Variants in CPQ observed in about 807,000 individuals in gnomAD.
The protein encoded by CPQ is carboxypeptidase Q, also known as Ser-Met dipeptidase.
In CPQ, 37 loss-of-function variants were observed where a neutral mutation model predicts 45.7. The ratio of observed to expected loss-of-function variants is 0.81; its 90% confidence interval spans 0.62 to 1.07. CPQ has a LOEUF of 1.07. Ranked by LOEUF, CPQ falls within the 50% of genes least tolerant of loss-of-function variation. The probability of loss-of-function intolerance (pLI) is 0.00; values close to 1 mark genes in which losing one functional copy is unlikely to be tolerated. For synonymous variants in CPQ, 186 were observed against 205.8 expected, an observed-to-expected ratio of 0.90 and a Z score of 0.82; for missense variants, 537 against 572.9, an observed-to-expected ratio of 0.94 and a Z score of 0.64.
intron 1 of CPQ, among the ~76,000 whole-genome samples, chr8:96,780,572 C>G (rs1810672421): frequency 1.3e-5 from 2 of 151,860 alleles, no homozygotes; most frequent in Non-Finnish European, 2.9e-5. Context: ...TTTATTTAAC[C>G]CAATTTATCT....
intron 6 of CPQ, 95 bp from the exon 7 acceptor site, chr8:97,065,914 G>A (rs781751358): frequency 2.5e-6 from 3 of 1,210,336 alleles, no homozygotes; most frequent in Non-Finnish European, 3.6e-6. Context: ...ACAGCCGTAA[G>A]GAGGTAAAGT....
chr8:96,903,788 T>C (rs1469997471), intron 4 of CPQ, among the ~76,000 whole-genome samples: 1 of 152,120 alleles, frequency 6.6e-6, no homozygotes, highest in Non-Finnish European at 1.5e-5. Flanking sequence ...TCTGCAAAGT[T>C]CCTTATCAAA....
chr8:96,778,338 C>T (rs2130803810), intron 1 of CPQ, among the ~76,000 whole-genome samples: 1 of 152,068 alleles, frequency 6.6e-6, no homozygotes, highest in East Asian at 1.9e-4. Flanking sequence ...TATCTAAAAA[C>T]AATAATAATA....
intron 1 of CPQ, among the ~76,000 whole-genome samples, chr8:96,662,052 C>T (rs900557255): frequency 2.0e-5 from 3 of 152,156 alleles, no homozygotes; most frequent in Admixed American, 1.3e-4. Context: ...AGTATCTTTT[C>T]ACATGTTTAT....
intron 4 of CPQ, among the ~76,000 whole-genome samples, chr8:96,928,164 T>A (rs1479728585): frequency 6.6e-6 from 1 of 152,122 alleles, no homozygotes; most frequent in African/African-American, 2.4e-5. Flanking sequence ...GCATTTTCTA[T>A]CGTAAGACAG....
intron 1 of CPQ, among the ~76,000 whole-genome samples, chr8:96,658,114 A>T (rs1815659127): frequency 6.6e-6 from 1 of 152,222 alleles, no homozygotes; most frequent in South Asian, 2.1e-4. Context: ...TTTTTGAGCT[A>T]AAGCTTAAAG....
At chr8:96,772,446 G>C (rs1810556175) in intron 1 of CPQ, among the ~76,000 whole-genome samples, 1 of 152,104 alleles carries the variant, frequency 6.6e-6, no homozygotes, top group African/African-American at 2.4e-5. Flanking sequence ...TGAGTTTGGG[G>C]TGTCTGTGGG....
chr8:96,852,235 G>A (rs1300906778), intron 3 of CPQ, among the ~76,000 whole-genome samples: 1 of 152,180 alleles, frequency 6.6e-6, no homozygotes, highest in African/African-American at 2.4e-5. Flanking sequence ...TGGAAAAAGT[G>A]CATTGGTCAT....
chr8:96,961,155 C>T (rs1399414306), intron 4 of CPQ, among the ~76,000 whole-genome samples: 1 of 152,182 alleles, frequency 6.6e-6, no homozygotes. Context: ...CAATTTTCTG[C>T]TTCTACCAGG....
chr8:96,947,688 T>A (rs964386918), intron 4 of CPQ, among the ~76,000 whole-genome samples: 1 of 152,150 alleles, frequency 6.6e-6, no homozygotes, highest in Non-Finnish European at 1.5e-5. Flanking sequence ...AAATGCATTT[T>A]AAAACTTTTT....
At chr8:96,942,048 CT>C (rs1813129548) in intron 4 of CPQ, among the ~76,000 whole-genome samples, 1 of 152,104 alleles carries the variant, frequency 6.6e-6, no homozygotes, top group African/African-American at 2.4e-5. Flanking sequence ...ATCCTTTCCT[CT>C]AGAGAAGATT....
chr8:97,095,690 A>G (rs982998528), intron 7 of CPQ, among the ~76,000 whole-genome samples: 1 of 152,186 alleles, frequency 6.6e-6, no homozygotes, highest in Non-Finnish European at 1.5e-5. Flanking sequence ...TTATTTCACA[A>G]TTCCTTATTT....
chr8:97,076,617 C>T (rs554492495), intron 7 of CPQ, among the ~76,000 whole-genome samples: 18 of 152,250 alleles, frequency 1.2e-4, no homozygotes, highest in African/African-American at 3.6e-4. Flanking sequence ...TCCATTTCCA[C>T]GGCATCATTT....
intron 1 of CPQ, chr8:96,680,491 G>C (rs1586356175): frequency 6.6e-6 from 1 of 152,262 alleles, no homozygotes; most frequent in East Asian, 1.9e-4. Context: ...TGTAAGACAT[G>C]ACTTGCTCCT....
chr8:96,730,728 G>A (rs562302444), intron 1 of CPQ, among the ~76,000 whole-genome samples: 28 of 151,564 alleles, frequency 1.8e-4, no homozygotes, highest in Non-Finnish European at 3.8e-4. Flanking sequence ...ACTGATGTCT[G>A]GGTACCACCC....
At chr8:96,907,305 A>C (rs1053704024) in intron 4 of CPQ, among the ~76,000 whole-genome samples, 4 of 152,164 alleles carry the variant, frequency 2.6e-5, no homozygotes, top group African/African-American at 7.2e-5. Context: ...GCCATCATTT[A>C]CTTTGCAGAA....
intron 5 of CPQ, among the ~76,000 whole-genome samples, chr8:97,000,663 C>T (rs142385197): frequency 1.8e-4 from 28 of 152,194 alleles, no homozygotes; most frequent in African/African-American, 6.7e-4. Context: ...AGTTTGAAGT[C>T]AGGTAGCATG....
intron 4 of CPQ, among the ~76,000 whole-genome samples, chr8:96,942,911 CTA>C (rs991081270): frequency 1.3e-5 from 2 of 152,140 alleles, no homozygotes; most frequent in Non-Finnish European, 2.9e-5. Context: ...CAGGAAATAA[CTA>C]TGAATATGAC....
At chr8:96,693,259 G>T (rs1809327653) in intron 1 of CPQ, among the ~76,000 whole-genome samples, 1 of 151,912 alleles carries the variant, frequency 6.6e-6, no homozygotes, top group Non-Finnish European at 1.5e-5. Flanking sequence ...GGTAGGGAGG[G>T]GGGAGAGAGG....
Sources: gnomAD v4.1 joint callset for allele counts (sites outside exome capture counted in the v4.1 genomes callset) on GRCh38, gnomAD v4.1.1 for gene constraint, MANE v1.5 for transcripts, NCBI Gene and HGNC (gene_info 2026-07-23, HGNC 2026-07-21) for gene names.